Variants in WWOX observed in about 807,000 individuals in gnomAD.
The protein encoded by WWOX is WW domain-containing oxidoreductase.
In WWOX, 69 loss-of-function variants were observed where a neutral mutation model predicts 46.2. The ratio of observed to expected loss-of-function variants is 1.49; its 90% confidence interval spans 1.23 to 1.82. The LOEUF is 1.82. WWOX is among the 40% of genes most tolerant of loss of function. WWOX has a pLI of 0.00. For synonymous variants in WWOX, 359 were observed against 202.6 expected, an observed-to-expected ratio of 1.77 and a Z score of -6.56; for missense variants, 919 against 542.6, an observed-to-expected ratio of 1.69 and a Z score of -6.89.
intron 5 of WWOX, among the ~76,000 whole-genome samples, chr16:78,187,559 C>T (rs374510278): frequency 8.6e-5 from 13 of 152,044 alleles, no homozygotes; most frequent in Admixed American, 2.6e-4. Context: ...GCCGAGATCG[C>T]GCCACTGCAC....
chr16:79,140,652 C>G (rs2050071706), intron 8 of WWOX, among the ~76,000 whole-genome samples: 1 of 152,194 alleles, frequency 6.6e-6, no homozygotes, highest in South Asian at 2.1e-4. Flanking sequence ...AGCGCTGCTC[C>G]CAATTCTCTA....
rs191351319 is a variant in WWOX at position 78,674,373 on chromosome 16, C to A, written c.1056+241621C>A. Among the ~76,000 whole-genome samples, 3 of 152,042 alleles carry A rather than the reference C, an allele frequency of 2.0e-5. No homozygotes were observed. The East Asian group carries it at 5.8e-4, about 29-fold the overall frequency. On this transcript the variant is annotated intron_variant, in intron 8 of 8. Coordinates refer to ENST00000566780, the MANE Select transcript of WWOX (RefSeq NM_016373.4). ...GATCTTGGCTCACTGCAACCTCTCC[C>A]TTCCAAGTTCAAGCAATTGTCCTGC...
intron 5 of WWOX, among the ~76,000 whole-genome samples, chr16:78,286,418 A>T (rs759677686): frequency 2.0e-5 from 3 of 152,218 alleles, no homozygotes; most frequent in Admixed American, 6.5e-5. Flanking sequence ...GACTTAGCTG[A>T]AGGAAACAAT....
chr16:78,124,631 A>G (rs914594896), intron 4 of WWOX, among the ~76,000 whole-genome samples: 2 of 152,222 alleles, frequency 1.3e-5, no homozygotes, highest in Non-Finnish European at 2.9e-5. Flanking sequence ...AAATAACGGT[A>G]CATTTCATGA....
At chr16:78,779,141 A>G (rs982714662) in intron 8 of WWOX, among the ~76,000 whole-genome samples, 2 of 151,996 alleles carry the variant, frequency 1.3e-5, no homozygotes, top group African/African-American at 4.8e-5. Context: ...TGTGACTCCA[A>G]CTTGTCTTTT....
In WWOX at chr16:78,600,045, A is replaced by T. The variant is rs1210235711; in HGVS notation, c.1056+167293A>T. Among the ~76,000 whole-genome samples the T allele has an allele frequency of 2.0e-5, 3 of 152,182 alleles. No individual in the cohort carries two copies. The East Asian group carries it at 5.8e-4, about 29-fold the overall frequency. On this transcript the variant is annotated intron_variant, in intron 8 of 8. Transcript: ENST00000566780. ...GGCCTCACAACCATGGTGGAAGGCA[A>T]GGAGGAGCAAAGTCATATCTTACAT...
At chr16:78,760,126 T>C (rs908830940) in intron 8 of WWOX, among the ~76,000 whole-genome samples, 1 of 152,056 alleles carries the variant, frequency 6.6e-6, no homozygotes, top group Non-Finnish European at 1.5e-5. Context: ...GTGGCTAGGG[T>C]GGGTGCACAG....
At chr16:78,822,939 A>AT (rs1302762374) in intron 8 of WWOX, among the ~76,000 whole-genome samples, 1 of 152,214 alleles carries the variant, frequency 6.6e-6, no homozygotes, top group Non-Finnish European at 1.5e-5. Context: ...AAGAAAAAAA[A>AT]AAAGGAATTA....
chr16:78,580,158 C>G (rs1047168686), intron 8 of WWOX, among the ~76,000 whole-genome samples: 1 of 151,688 alleles, frequency 6.6e-6, no homozygotes, highest in Admixed American at 6.6e-5. Context: ...ACTGCAACCT[C>G]CACCTCCCAA....
chr16:78,889,605 G>A (rs914988373), intron 8 of WWOX, among the ~76,000 whole-genome samples: 17 of 152,048 alleles, frequency 1.1e-4, no homozygotes, highest in Admixed American at 2.6e-4. Flanking sequence ...AGTACTAAGC[G>A]TGCCCAGGGG....
At chr16:78,460,083 A>C (rs2083913984) in intron 8 of WWOX, among the ~76,000 whole-genome samples, 2 of 151,998 alleles carry the variant, frequency 1.3e-5, no homozygotes, top group Admixed American at 1.3e-4. Flanking sequence ...CTGGGATTAC[A>C]GGCATGAGCC....
chr16:78,984,328 A>G (rs2046743141), intron 8 of WWOX, among the ~76,000 whole-genome samples: 1 of 152,180 alleles, frequency 6.6e-6, no homozygotes, highest in Non-Finnish European at 1.5e-5. Flanking sequence ...CCTCCAAGAA[A>G]GCACTCTCTA....
rs143614733 is a variant in WWOX at position 79,140,331 on chromosome 16, C to T, written c.1057-71277C>T. ...CTACATTCTTAGGCAAGTGACATCT[C>T]CCTTCATTTGTACAGAGGGAGTTAG... On this transcript the variant is annotated intron_variant, in intron 8 of 8. Transcript: ENST00000566780. Among the ~76,000 whole-genome samples, 57 of 152,274 alleles carry T rather than the reference C, an allele frequency of 3.7e-4. 1 individual carries two copies. In the East Asian group the frequency reaches 0.011, roughly 28 times the overall value.
intron 8 of WWOX, among the ~76,000 whole-genome samples, chr16:78,874,301 C>A (rs2044189591): frequency 6.6e-6 from 1 of 150,466 alleles, no homozygotes; most frequent in Non-Finnish European, 1.5e-5. Flanking sequence ...GGAAAGGAGG[C>A]CCTGAGTTGG....
At chr16:78,717,259 C>G (rs921386357) in intron 8 of WWOX, among the ~76,000 whole-genome samples, 11 of 152,142 alleles carry the variant, frequency 7.2e-5, no homozygotes, top group African/African-American at 1.9e-4. Context: ...AATTGGAAAA[C>G]CATGGAATAT....
chr16:78,781,735 C>G (rs2050331816), intron 8 of WWOX, among the ~76,000 whole-genome samples: 1 of 152,088 alleles, frequency 6.6e-6, no homozygotes, highest in African/African-American at 2.4e-5. Context: ...AGATGGCACC[C>G]CTGCACTCCA....
At chr16:78,534,485 A>G (rs1488883354) in intron 8 of WWOX, 1 of 152,220 alleles carries the variant, frequency 6.6e-6, no homozygotes, top group East Asian at 1.9e-4. Context: ...CGTCCACAGC[A>G]TCTCATTTCT....
intron 8 of WWOX, among the ~76,000 whole-genome samples, chr16:78,726,691 T>A (rs935901716): frequency 7.1e-4 from 106 of 150,112 alleles, no homozygotes; most frequent in Non-Finnish European, 1.3e-3. Context: ...AGCCCTAGGG[T>A]TAGTTGGTTG....
chr16:78,461,174 A>G (rs1187596931), intron 8 of WWOX, among the ~76,000 whole-genome samples: 2 of 152,220 alleles, frequency 1.3e-5, no homozygotes, highest in Non-Finnish European at 1.5e-5. Flanking sequence ...TTCACTATCC[A>G]TGAATTGTGG....
Sources: gnomAD v4.1 joint callset for allele counts (sites outside exome capture counted in the v4.1 genomes callset) on GRCh38, gnomAD v4.1.1 for gene constraint, MANE v1.5 for transcripts, NCBI Gene and HGNC (gene_info 2026-07-23, HGNC 2026-07-21) for gene names.